CDH13: variants seen among roughly 807,000 people sequenced by gnomAD.
The protein encoded by CDH13 is cadherin-13.
A neutral mutation model predicts 63.8 loss-of-function variants in CDH13; 24 were observed. That is an observed-to-expected ratio of 0.38 (90% CI 0.27 to 0.53). The LOEUF (loss-of-function observed/expected upper bound fraction) is 0.53. Ranked by LOEUF, CDH13 falls within the 20% of genes least tolerant of loss-of-function variation. CDH13 has a pLI of 0.85. For synonymous variants in CDH13, 503 were observed against 355.3 expected (o/e 1.42, Z -4.67); for missense variants, 1,049 against 903.1 (o/e 1.16, Z -2.07).
At chr16:82,996,461 C>G (rs1364848847) in intron 2 of CDH13, among the ~76,000 whole-genome samples, 1 of 152,150 alleles carries the variant, frequency 6.6e-6, no homozygotes, top group African/African-American at 2.4e-5. Flanking sequence ...TGCTTTATCT[C>G]TCTGCCGGGC....
intron 6 of CDH13, among the ~76,000 whole-genome samples, chr16:83,432,555 G>T (rs1185956317): frequency 6.6e-6 from 1 of 152,190 alleles, no homozygotes; most frequent in Non-Finnish European, 1.5e-5. Context: ...AACAGAGTGG[G>T]TGAAACGAGC....
chr16:83,103,377 C>G (rs1276223998), intron 3 of CDH13, among the ~76,000 whole-genome samples: 1 of 150,188 alleles, frequency 6.7e-6, no homozygotes, highest in African/African-American at 2.5e-5. Flanking sequence ...TACTGAGTAG[C>G]TGGGACTACA....
At chr16:82,982,996 C>T (rs1182318075) in intron 2 of CDH13, among the ~76,000 whole-genome samples, 1 of 152,146 alleles carries the variant, frequency 6.6e-6, no homozygotes, top group African/African-American at 2.4e-5. Context: ...AGAGCCTCCA[C>T]CACAGGGAAC....
chr16:83,440,507 C>T (rs908054572), intron 6 of CDH13, among the ~76,000 whole-genome samples: 5 of 152,068 alleles, frequency 3.3e-5, no homozygotes, highest in Non-Finnish European at 7.4e-5. Flanking sequence ...GGGCCAGGCA[C>T]GGTGGCTTAT....
At chr16:82,892,935 T>C (rs2041131023) in intron 2 of CDH13, among the ~76,000 whole-genome samples, 1 of 152,248 alleles carries the variant, frequency 6.6e-6, no homozygotes, top group South Asian at 2.1e-4. Context: ...TTTTGACATT[T>C]GGCTCTCCAA....
At chr16:82,787,356 T>A (rs1397152770) in intron 1 of CDH13, among the ~76,000 whole-genome samples, 2 of 152,158 alleles carry the variant, frequency 1.3e-5, no homozygotes, top group Admixed American at 6.5e-5. Context: ...CAGCAGCACA[T>A]ATGTCCTGGG....
At chr16:83,106,287 C>T (rs939721182) in intron 3 of CDH13, among the ~76,000 whole-genome samples, 2 of 152,184 alleles carry the variant, frequency 1.3e-5, no homozygotes, top group Non-Finnish European at 2.9e-5. Context: ...TGCCTGTAAT[C>T]CCAGCACTTT....
intron 7 of CDH13, among the ~76,000 whole-genome samples, chr16:83,528,162 A>G (rs2075004850): frequency 6.6e-6 from 1 of 152,212 alleles, no homozygotes; most frequent in Non-Finnish European, 1.5e-5. Context: ...ATAACTAAAC[A>G]TATTCAGCTT....
At chr16:83,128,824 T>A (rs1464862606) in intron 4 of CDH13, among the ~76,000 whole-genome samples, 1 of 152,226 alleles carries the variant, frequency 6.6e-6, no homozygotes, top group African/African-American at 2.4e-5. Context: ...ACTCACTTCT[T>A]CTTAGCCCCT....
chr16:83,325,362 T>C (rs1281577032), intron 5 of CDH13, among the ~76,000 whole-genome samples: 1 of 152,160 alleles, frequency 6.6e-6, no homozygotes, highest in Non-Finnish European at 1.5e-5. Flanking sequence ...GGGTTTGAAA[T>C]CTAGATGAAG....
chr16:83,606,726 C>CAAA lies in CDH13; in HGVS notation c.1101+4145_1101+4147dup, dbSNP rs11424833. 2.1e-3 allele frequency among the ~76,000 whole-genome samples: 297 copies of CAAA among 138,398 alleles called. 3 individuals are homozygous for CAAA. The East Asian group carries it at 0.052, about 24-fold the overall frequency. The allele number at this position is 138,398 out of a possible 152,430, so 90.8% of individuals were successfully genotyped here. Reference sequence around the variant, plus strand: ...TGGGTGACAGAATGAGACCCAGTTTCAAAAAAAAAAAAAAAGTTTGCAGGT... The same window carrying CAAA: ...TGGGTGACAGAATGAGACCCAGTTTCAAAAAAAAAAAAAAAAAAGTTTGCAGGT... On this transcript the variant is annotated intron_variant, in intron 8 of 13. Coordinates refer to ENST00000567109, the MANE Select transcript of CDH13 (RefSeq NM_001257.5).
At chr16:83,326,896 G>C (rs998764410) in intron 5 of CDH13, among the ~76,000 whole-genome samples, 11 of 152,114 alleles carry the variant, frequency 7.2e-5, no homozygotes, top group African/African-American at 2.4e-4. Flanking sequence ...GGGGTATCTG[G>C]CCAAAGGAGA....
chr16:82,697,897 T>A, intron 1 of CDH13, among the ~76,000 whole-genome samples: 1 of 152,144 alleles, frequency 6.6e-6, no homozygotes, highest in Non-Finnish European at 1.5e-5. Flanking sequence ...ATACTGTTTA[T>A]TGTTGCCCCA....
intron 1 of CDH13, among the ~76,000 whole-genome samples, chr16:82,843,004 C>T (rs1484493630): frequency 3.3e-5 from 5 of 152,198 alleles, no homozygotes; most frequent in African/African-American, 1.2e-4. Context: ...CAGCTCCACT[C>T]ATGGGCCCGC....
At chr16:83,369,439 G>A (rs1461951645) in intron 6 of CDH13, among the ~76,000 whole-genome samples, 1 of 151,572 alleles carries the variant, frequency 6.6e-6, no homozygotes, top group African/African-American at 2.4e-5. Flanking sequence ...TTGTTTTTTT[G>A]AGCTGGGGTC....
At chr16:82,663,751 C>G (rs1224397561) in intron 1 of CDH13, among the ~76,000 whole-genome samples, 1 of 152,170 alleles carries the variant, frequency 6.6e-6, no homozygotes, top group Non-Finnish European at 1.5e-5. Flanking sequence ...CTAGGTCCAG[C>G]CAAAGAGCCC....
intron 5 of CDH13, among the ~76,000 whole-genome samples, chr16:83,295,155 T>A (rs1567571080): frequency 6.6e-6 from 1 of 152,084 alleles, no homozygotes; most frequent in East Asian, 1.9e-4. Context: ...ATAAATGGCA[T>A]TTGGGAAACC....
At chr16:82,988,046 T>C (rs371534748) in intron 2 of CDH13, among the ~76,000 whole-genome samples, 1 of 152,206 alleles carries the variant, frequency 6.6e-6, no homozygotes, top group East Asian at 1.9e-4. Flanking sequence ...CCACTGCCAA[T>C]TGAAGCACGG....
intron 2 of CDH13, among the ~76,000 whole-genome samples, chr16:83,026,304 C>A (rs1455334580): frequency 6.6e-6 from 1 of 152,188 alleles, no homozygotes; most frequent in Non-Finnish European, 1.5e-5. Flanking sequence ...GCTGTAGAGG[C>A]AGAATGAACA....
Sources: allele counts gnomAD v4.1 joint callset (sites outside exome capture counted in the v4.1 genomes callset), GRCh38; gene constraint gnomAD v4.1.1; transcripts MANE v1.5; gene names NCBI Gene and HGNC (gene_info 2026-07-23, HGNC 2026-07-21).